EPG5: variants seen among roughly 807,000 people sequenced by gnomAD.
The protein encoded by EPG5 is ectopic P-granules 5 autophagy tethering factor.
A neutral mutation model predicts 302.7 loss-of-function variants in EPG5; 159 were observed. That is an observed-to-expected ratio of 0.53 (90% CI 0.46 to 0.60). The LOEUF (loss-of-function observed/expected upper bound fraction) is 0.60, where lower values mean the gene tolerates loss of function less well. Ranked by LOEUF, EPG5 falls within the 20% of genes least tolerant of loss-of-function variation. The pLI is 0.00. For missense variants in EPG5, 2,896 were observed against 3,092.4 expected, an observed-to-expected ratio of 0.94 and a Z score of 1.51; for synonymous variants, 1,158 against 1,136.8, an observed-to-expected ratio of 1.02 and a Z score of -0.37.
At chr18:45,825,866 G>A in the EPG5 span, 2 of 1,534,832 alleles carry the variant, frequency 1.3e-6, no homozygotes, top group African/African-American at 2.7e-5. Flanking sequence ...CTGGAAGGCA[G>A]GAAGCAGGTG....
intron 40 of EPG5, among the ~76,000 whole-genome samples, chr18:45,859,573 C>CT (rs1390031860): frequency 6.6e-6 from 1 of 152,202 alleles, no homozygotes; most frequent in Non-Finnish European, 1.5e-5. Context: ...CTTCCAGAGT[C>CT]TGACAGTTTA....
the EPG5 span, among the ~76,000 whole-genome samples, chr18:45,817,182 A>AT: frequency 6.6e-6 from 1 of 152,188 alleles, no homozygotes; most frequent in African/African-American, 2.4e-5. Flanking sequence ...TTCTCAGGTG[A>AT]TGGGTGCACC....
intron 27 of EPG5, among the ~76,000 whole-genome samples, chr18:45,899,018 G>A (rs12953791): frequency 0.21 from 31,401 of 151,942 alleles, 3,578 homozygotes; most frequent in Admixed American, 0.31. Flanking sequence ...CCAGCTACTC[G>A]GGAGGCTGGG....
At chr18:45,838,574 C>T in the EPG5 span, 1 of 1,091,970 alleles carries the variant, frequency 9.2e-7, no homozygotes, top group African/African-American at 1.7e-5. Context: ...TCGCCCAAGG[C>T]CACATCTGTA....
intron 3 of EPG5, 23 bp from the exon 4 acceptor site, chr18:45,951,261 G>A (rs1290604169): frequency 2.1e-6 from 3 of 1,441,054 alleles, no homozygotes; most frequent in African/African-American, 1.4e-5. Flanking sequence ...GATATTAAAT[G>A]AGTCTCTCAT....
chr18:45,868,559 G>A (rs1281179042), intron 36 of EPG5, among the ~76,000 whole-genome samples: 4 of 150,044 alleles, frequency 2.7e-5, no homozygotes, highest in Non-Finnish European at 5.9e-5. Context: ...AGTAGAGTCC[G>A]GGTTTCTCCA....
intron 16 of EPG5, among the ~76,000 whole-genome samples, chr18:45,918,951 C>A (rs2050090924): frequency 6.6e-6 from 1 of 152,034 alleles, no homozygotes; most frequent in Admixed American, 6.6e-5. Context: ...GGGAGAAAAT[C>A]ATTTCAAAAA....
chr18:45,938,077 C>A (rs2050577601), intron 10 of EPG5, among the ~76,000 whole-genome samples: 1 of 152,170 alleles, frequency 6.6e-6, no homozygotes, highest in Non-Finnish European at 1.5e-5. Context: ...TGGACAGGTG[C>A]TACTGCACTG....
At chr18:45,827,487 C>T in the EPG5 span, among the ~76,000 whole-genome samples, 1 of 152,156 alleles carries the variant, frequency 6.6e-6, no homozygotes, top group Non-Finnish European at 1.5e-5. Flanking sequence ...TGGCCAGACC[C>T]AAGTGGTCAA....
intron 17 of EPG5, 154 bp from the exon 18 acceptor site, chr18:45,916,736 C>G (rs764087036): frequency 3.0e-5 from 21 of 708,532 alleles, no homozygotes; most frequent in Non-Finnish European, 4.2e-5. Context: ...ATAAAGTTTT[C>G]ACATTTAACA....
chr18:45,891,065 C>A (rs1181188743), intron 27 of EPG5, among the ~76,000 whole-genome samples: 1 of 152,174 alleles, frequency 6.6e-6, no homozygotes, highest in Non-Finnish European at 1.5e-5. Context: ...CATGCACCTG[C>A]CCAAACCCAG....
intron 27 of EPG5, among the ~76,000 whole-genome samples, chr18:45,897,917 A>T (rs1479687222): frequency 6.6e-5 from 10 of 152,188 alleles, no homozygotes; most frequent in Admixed American, 5.2e-4. Flanking sequence ...GAGTAAAATA[A>T]ATTTTCTCCA....
intron 22 of EPG5, among the ~76,000 whole-genome samples, chr18:45,911,880 G>GC (rs2019164236): frequency 6.6e-6 from 1 of 152,190 alleles, no homozygotes; most frequent in Admixed American, 6.5e-5. Context: ...ATATTCCCAA[G>GC]TACAACCTAC....
chr18:45,963,108 ACAGGTCCCTCCCT>A (rs1432140872), intron 1 of EPG5, among the ~76,000 whole-genome samples: 14 of 152,208 alleles, frequency 9.2e-5, no homozygotes, highest in Non-Finnish European at 1.8e-4. Context: ...TGAGAACAAG[ACAGGTCCCTCCCT>A]CAGTGAGTTC....
chr18:45,838,649 C>T, the EPG5 span: 2 of 1,450,906 alleles, frequency 1.4e-6, no homozygotes, highest in South Asian at 1.4e-5. Flanking sequence ...CCCACCCCTC[C>T]GGCTCTGGCG....
the EPG5 span, chr18:45,842,148 G>A: frequency 1.2e-6 from 2 of 1,614,194 alleles, no homozygotes; most frequent in African/African-American, 1.3e-5. Flanking sequence ...TGAGCCAGAT[G>A]AACCCCCGGA....
chr18:45,902,057 G>C (rs982641947), intron 25 of EPG5, among the ~76,000 whole-genome samples: 1 of 152,164 alleles, frequency 6.6e-6, no homozygotes, highest in Non-Finnish European at 1.5e-5. Context: ...GAAGGCAGTG[G>C]TCAAGGGAAT....
At chr18:45,961,456 C>T (rs1413585998) in intron 1 of EPG5, among the ~76,000 whole-genome samples, 1 of 152,196 alleles carries the variant, frequency 6.6e-6, no homozygotes, top group Non-Finnish European at 1.5e-5. Flanking sequence ...CATGCCACCG[C>T]CAGACAGCCT....
chr18:45,839,058 C>T, the EPG5 span: 275 of 1,509,142 alleles, frequency 1.8e-4, no homozygotes, highest in Non-Finnish European at 2.2e-4. Context: ...TGCTGCTGCT[C>T]GGGGTCCTGG....
Sources: allele counts gnomAD v4.1 joint callset (sites outside exome capture counted in the v4.1 genomes callset), GRCh38; gene constraint gnomAD v4.1.1; transcripts MANE v1.5; gene names NCBI Gene and HGNC (gene_info 2026-07-23, HGNC 2026-07-21).